Variants in ACTN1 observed in about 807,000 individuals in gnomAD.
The protein encoded by ACTN1 is actinin alpha 1.
A neutral mutation model predicts 119.6 loss-of-function variants in ACTN1; 30 were observed. That is an observed-to-expected ratio of 0.25 (90% CI 0.19 to 0.34). The LOEUF is 0.34. Among genes scored for constraint, ACTN1 ranks in the 10% least tolerant of loss-of-function variants. The probability of loss-of-function intolerance (pLI) is 1.00; values close to 1 mark genes in which losing one functional copy is unlikely to be tolerated. For missense variants in ACTN1, 764 were observed against 1,223.4 expected (o/e 0.62, Z 5.60); for synonymous variants, 429 against 472.6 (o/e 0.91, Z 1.20).
chr14:68,934,319 G>A (rs2284907), intron 1 of ACTN1, among the ~76,000 whole-genome samples: 20,917 of 152,306 alleles, frequency 0.14, 2,475 homozygotes, highest in East Asian at 0.65. Context: ...CAGCGGGCGC[G>A]CCTCTCCTGG....
intron 1 of ACTN1, among the ~76,000 whole-genome samples, chr14:68,949,721 T>C (rs2036065887): frequency 1.3e-5 from 2 of 152,218 alleles, no homozygotes; most frequent in South Asian, 4.1e-4. Context: ...CATCAACAGA[T>C]GAACGGAGAA....
chr14:68,954,615 C>T lies in ACTN1; in HGVS notation c.105+24337G>A, dbSNP rs1052146030. ...TGCTGGGATTACAGGCATGAGCCAC[C>T]ACACCCGGCCCATACAGAGAATATT... On this transcript the variant is annotated intron_variant, in intron 1 of 21. Transcript: ENST00000394419. Among the ~76,000 whole-genome samples, 4 of 152,200 alleles carry T rather than the reference C, an allele frequency of 2.6e-5. No individual in the cohort carries two copies. The South Asian group carries it at 6.2e-4, about 24-fold the overall frequency.
chr14:68,973,218 G>T (rs1445237074), intron 1 of ACTN1, among the ~76,000 whole-genome samples: 1 of 152,186 alleles, frequency 6.6e-6, no homozygotes, highest in Non-Finnish European at 1.5e-5. Flanking sequence ...TGGACTTGAT[G>T]CCCAGCCTGG....
rs1404882572 is a variant in ACTN1, at chr14:68,885,693, C to T, written c.1235-118G>A. ...TCTGGGGGTGCTTCTCAAGGAGGTG[C>T]CCATTGTGCAGGGATCTGCAGGGTG... On this transcript the variant is annotated intron_variant, in intron 11 of 21. Transcript: ENST00000394419. The surrounding 1 kb of genome is among the most constrained non-coding windows in gnomAD (Gnocchi z 5.6). 3.2e-6 allele frequency: 4 copies of T among 1,238,910 alleles called. No individual in the cohort carries two copies. The highest frequency in any genetic ancestry group is 1.4e-5 in the South Asian group (1 of 69,996). The allele number at this position is 1,238,910 out of a possible 1,614,324, so 76.7% of individuals were successfully genotyped here. A position where few individuals can be genotyped will look rare whatever the true frequency, so the allele number is the denominator to read the frequency against.
intron 3 of ACTN1, among the ~76,000 whole-genome samples, chr14:68,914,932 C>G (rs969546644): frequency 6.6e-6 from 1 of 152,142 alleles, no homozygotes; most frequent in Non-Finnish European, 1.5e-5. Context: ...AATTTGGCCA[C>G]AAGGAGCACG....
chr14:68,908,372 G>A (rs939643388), intron 6 of ACTN1, among the ~76,000 whole-genome samples: 40 of 152,300 alleles, frequency 2.6e-4, no homozygotes, highest in African/African-American at 8.7e-4. Flanking sequence ...GAAGCAAGAC[G>A]CCCTTCCTGG....
chr14:68,875,075 GC>G, intron 21 of ACTN1, 58 bp from the exon 22 acceptor site: 1 of 1,598,078 alleles, frequency 6.3e-7, no homozygotes. Flanking sequence ...AAGCGGCGCG[GC>G]CCGACACAGC....
intron 8 of ACTN1, among the ~76,000 whole-genome samples, chr14:68,894,645 G>C (rs548904276): frequency 6.6e-6 from 1 of 152,116 alleles, no homozygotes; most frequent in East Asian, 1.9e-4. Context: ...CTACACCAAG[G>C]GGGAAGTGAA....
Position 68,877,158 on chromosome 14 carries a change from A to T in ACTN1, c.2510T>A (p.Phe837Tyr). Residue 837 changes from phenylalanine to tyrosine, a missense_variant, in exon 21 of 22, where the codon TTC (phenylalanine) becomes TAC (tyrosine). Phe to Tyr is a conservative substitution (Grantham distance 22). Transcript: ENST00000394419. ...GVVTFQAFID[F>Y]MSRETADTDT... ...TGTGTCGGCTGTCTCGCGGGACATG[A>T]AGTCAATGAAGGCCTGGAATGTCAC... 6.2e-7 allele frequency: 1 copy of T among 1,614,140 alleles called. No homozygotes were observed. Among genetic ancestry groups the T allele is most frequent in the South Asian group, 1.1e-5 (1 of 91,078 alleles).
At chr14:68,883,169 C>T in intron 14 of ACTN1, 114 bp from the exon 15 acceptor site, 1 of 1,149,918 alleles carries the variant, frequency 8.7e-7, no homozygotes, top group South Asian at 1.5e-5. Context: ...GGCATCAATT[C>T]AAAGATTCTT....
chr14:68,955,861 C>A (rs2036336430), intron 1 of ACTN1, among the ~76,000 whole-genome samples: 1 of 152,236 alleles, frequency 6.6e-6, no homozygotes. Context: ...CCTTTCCTTT[C>A]TTCACTTTTG....
Position 68,979,202 on chromosome 14 carries a change from G to A in ACTN1, c.-146C>T, listed in dbSNP as rs904430119. The A allele has an allele frequency of 2.1e-4, 106 of 500,942 alleles. 1 individual carries two copies. The highest frequency in any genetic ancestry group is 2.5e-4 in the Non-Finnish European group (74 of 293,332). The allele number at this position is 500,942 out of a possible 1,614,324, so 31.0% of individuals were successfully genotyped here. Reference sequence around the variant, plus strand: ...GCTCCCCTGCGCCCGGTTCCGCCGCGGCGCTGCTGGCGAAGGCTGCTACTG... The same window carrying A: ...GCTCCCCTGCGCCCGGTTCCGCCGCAGCGCTGCTGGCGAAGGCTGCTACTG... On this transcript the variant is annotated 5_prime_UTR_variant, in exon 1 of 22. Coordinates refer to ENST00000394419, the MANE Select transcript of ACTN1 (RefSeq NM_001130004.2).
Position 68,911,900 on chromosome 14 carries a change from CTT to C in ACTN1, c.427+254_427+255del, listed in dbSNP as rs1435037186. Among the ~76,000 whole-genome samples, 8 of 152,384 alleles carry C rather than the reference CTT, an allele frequency of 5.2e-5. No homozygotes were observed. The South Asian group carries it at 1.7e-3, about 32-fold the overall frequency. ...AGAGCCAGGTGGGTTTTCCAATATA[CTT>C]CCCCATGGCAGCCTTGGGCTTTCCC... is the stretch of plus-strand genomic sequence containing the variant. On this transcript the variant is annotated intron_variant, in intron 4 of 21. Coordinates refer to ENST00000394419, the MANE Select transcript of ACTN1 (RefSeq NM_001130004.2).
chr14:68,890,561 G>A (rs2032396947), intron 10 of ACTN1, among the ~76,000 whole-genome samples: 1 of 152,204 alleles, frequency 6.6e-6, no homozygotes, highest in South Asian at 2.1e-4. Context: ...AGCCCTGTGG[G>A]GAAAGGGCCC....
At chr14:68,892,359 C>G in intron 9 of ACTN1, 76 bp from the exon 10 acceptor site, 1 of 1,460,946 alleles carries the variant, frequency 6.8e-7, no homozygotes, top group East Asian at 2.3e-5. Flanking sequence ...TCCCTTTCCT[C>G]CCAACAGCCC....
At chr14:68,891,705 A>G (rs1267213029) in intron 10 of ACTN1, among the ~76,000 whole-genome samples, 1 of 152,252 alleles carries the variant, frequency 6.6e-6, no homozygotes, top group Non-Finnish European at 1.5e-5. Context: ...AGTAGAAATC[A>G]ACTTGACTGC....
chr14:68,926,556 C>A (rs888198150), intron 1 of ACTN1, among the ~76,000 whole-genome samples: 1 of 152,244 alleles, frequency 6.6e-6, no homozygotes, highest in African/African-American at 2.4e-5. Flanking sequence ...TGCTTTAGAT[C>A]TAAACCATTC....
Position 68,880,226 on chromosome 14 carries a change from G to C in ACTN1, c.2134-118C>G. On this transcript the variant is annotated intron_variant, in intron 17 of 21. Coordinates refer to ENST00000394419, the MANE Select transcript of ACTN1 (RefSeq NM_001130004.2). This position sits in a 1 kb window ranked among gnomAD's most constrained non-coding sequence, Gnocchi z 4.6. ...CCAAAGCCATCAAACTTGGCCTTCT[G>C]TGTGGCTGAGTGTCACCAGAGGAAG... The C allele has an allele frequency of 8.2e-7, 1 of 1,214,328 alleles. No homozygotes were observed. Among genetic ancestry groups the C allele is most frequent in the East Asian group, 2.5e-5 (1 of 40,200 alleles). The allele number at this position is 1,214,328 out of a possible 1,614,324, so 75.2% of individuals were successfully genotyped here.
At chr14:68,883,999 G>C (rs1439498406) in intron 14 of ACTN1, among the ~76,000 whole-genome samples, 169 bp downstream of exon 14, 1 of 152,130 alleles carries the variant, frequency 6.6e-6, no homozygotes, top group Non-Finnish European at 1.5e-5. Flanking sequence ...TTAAATTTTA[G>C]ATCATGCACA....
Sources: allele counts gnomAD v4.1 joint callset (sites outside exome capture counted in the v4.1 genomes callset), GRCh38; gene constraint gnomAD v4.1.1; non-coding constraint Gnocchi (gnomAD v3.1); transcripts MANE v1.5; gene names NCBI Gene and HGNC (gene_info 2026-07-23, HGNC 2026-07-21).